The following CDK14 variants were observed in gnomAD, a reference collection of about 807,000 sequenced individuals.
CDK14 encodes the protein cyclin dependent kinase 14.
In CDK14, 34 loss-of-function variants were observed where a neutral mutation model predicts 60.7. That is an observed-to-expected ratio of 0.56 (90% CI 0.43 to 0.75). The LOEUF is 0.75. Ranked by LOEUF, CDK14 falls within the 30% of genes least tolerant of loss-of-function variation. The probability of loss-of-function intolerance (pLI) is 0.00; values close to 1 mark genes in which losing one functional copy is unlikely to be tolerated. For missense variants in CDK14, 482 were observed against 564.1 expected (o/e 0.85, Z 1.47); for synonymous variants, 197 against 203.7 (o/e 0.97, Z 0.28).
chr7:91,132,012 G>GGTTGGTTT (rs891867734), intron 14 of CDK14, among the ~76,000 whole-genome samples: 3 of 151,952 alleles, frequency 2.0e-5, no homozygotes, highest in African/African-American at 7.3e-5. Context: ...TTGGTTGGTT[G>GGTTGGTTT]GTTGGTTGGT....
At chr7:90,950,408 A>T (rs987830292) in intron 8 of CDK14, among the ~76,000 whole-genome samples, 2 of 152,298 alleles carry the variant, frequency 1.3e-5, no homozygotes, top group South Asian at 2.1e-4. Flanking sequence ...TAGATCATTT[A>T]TTGTCTATAT....
chr7:90,607,507 A>G (rs747727888), intron 2 of CDK14, among the ~76,000 whole-genome samples: 8 of 152,216 alleles, frequency 5.3e-5, no homozygotes, highest in Non-Finnish European at 8.8e-5. Flanking sequence ...GCAGAAAAAG[A>G]AATACAGACT....
chr7:90,831,087 A>G (rs1789896973), intron 5 of CDK14, among the ~76,000 whole-genome samples: 2 of 152,134 alleles, frequency 1.3e-5, no homozygotes, highest in Non-Finnish European at 2.9e-5. Context: ...CCCAGTTCCA[A>G]AGTCACTTCC....
chr7:91,095,940 C>G (rs1407609408), intron 12 of CDK14, among the ~76,000 whole-genome samples: 1 of 151,292 alleles, frequency 6.6e-6, no homozygotes, highest in Non-Finnish European at 1.5e-5. Context: ...AGGGTGATGA[C>G]AGGGTTTTGG....
chr7:90,886,682 A>G (rs1791955779), intron 6 of CDK14, among the ~76,000 whole-genome samples: 1 of 152,186 alleles, frequency 6.6e-6, no homozygotes, highest in Non-Finnish European at 1.5e-5. Context: ...ACATATTATG[A>G]GGAGCAATGG....
intron 12 of CDK14, among the ~76,000 whole-genome samples, chr7:91,098,824 G>T (rs1464106838): frequency 6.6e-6 from 1 of 152,112 alleles, no homozygotes; most frequent in Non-Finnish European, 1.5e-5. Flanking sequence ...GTAGGAGTCA[G>T]ACTGTAAAAG....
chr7:91,121,491 A>G (rs1441996903), intron 14 of CDK14, among the ~76,000 whole-genome samples: 1 of 152,188 alleles, frequency 6.6e-6, no homozygotes, highest in Non-Finnish European at 1.5e-5. Flanking sequence ...CCAAACCTCA[A>G]TGCCAAATTA....
intron 2 of CDK14, among the ~76,000 whole-genome samples, chr7:90,673,488 C>CA (rs1302880868): frequency 2.0e-5 from 3 of 148,394 alleles, no homozygotes; most frequent in Non-Finnish European, 3.0e-5. Context: ...GTGGCACAGT[C>CA]ACGGCTCACT....
intron 5 of CDK14, among the ~76,000 whole-genome samples, chr7:90,807,601 A>G (rs1788908777): frequency 6.6e-6 from 1 of 152,236 alleles, no homozygotes; most frequent in Admixed American, 6.5e-5. Context: ...CAGCAACGGA[A>G]CAAAGCTGGA....
At chr7:91,155,986 C>T (rs1243586094) in intron 14 of CDK14, among the ~76,000 whole-genome samples, 1 of 152,212 alleles carries the variant, frequency 6.6e-6, no homozygotes, top group African/African-American at 2.4e-5. Flanking sequence ...AACTCTATCA[C>T]TAATTTAAAA....
In CDK14 at chr7:90,930,791, A is replaced by C. The variant is rs1277516848; in HGVS notation, c.826+13067A>C. 2.6e-5 allele frequency among the ~76,000 whole-genome samples: 4 copies of C among 152,144 alleles called. No individual in the cohort carries two copies. The East Asian group carries it at 7.7e-4, about 29-fold the overall frequency. ...GCTCTTACTTTGTTTTATCCTTATAATCCTGTGGAGTAGAGAGTGCAGGTC... is the reference window on the plus strand; with the variant it reads ...GCTCTTACTTTGTTTTATCCTTATACTCCTGTGGAGTAGAGAGTGCAGGTC... On this transcript the variant is annotated intron_variant, in intron 8 of 14. Coordinates refer to ENST00000380050, the MANE Select transcript of CDK14 (RefSeq NM_001287135.2).
At chr7:91,112,472 G>T (rs1026865104) in intron 12 of CDK14, 70 bp from the exon 13 acceptor site, 63 of 1,489,954 alleles carry the variant, frequency 4.2e-5, no homozygotes, top group Non-Finnish European at 5.7e-5. Context: ...GAAAAATTAG[G>T]TAAGCTTTAT....
chr7:91,080,783 C>A (rs1274171439), intron 12 of CDK14, among the ~76,000 whole-genome samples: 1 of 152,118 alleles, frequency 6.6e-6, no homozygotes, highest in Non-Finnish European at 1.5e-5. Context: ...AATCTCTAAA[C>A]CTACATTTAA....
At chr7:90,658,611 C>G (rs539105321) in intron 2 of CDK14, among the ~76,000 whole-genome samples, 2 of 152,220 alleles carry the variant, frequency 1.3e-5, no homozygotes, top group Admixed American at 6.5e-5. Flanking sequence ...CAAGGTACAT[C>G]CTTGTTGTAG....
chr7:90,681,867 T>G (rs1801325578), intron 2 of CDK14, among the ~76,000 whole-genome samples: 1 of 152,196 alleles, frequency 6.6e-6, no homozygotes, highest in East Asian at 1.9e-4. Flanking sequence ...TGGACCATCT[T>G]CAAAGAAAAA....
chr7:91,030,498 G>C (rs1455885846), intron 10 of CDK14, among the ~76,000 whole-genome samples: 1 of 152,108 alleles, frequency 6.6e-6, no homozygotes, highest in African/African-American at 2.4e-5. Flanking sequence ...ACACAGAGGA[G>C]GTGGCACCTC....
intron 11 of CDK14, among the ~76,000 whole-genome samples, chr7:91,076,117 A>T (rs1798305167): frequency 1.3e-5 from 2 of 151,794 alleles, no homozygotes; most frequent in Non-Finnish European, 2.9e-5. Flanking sequence ...AGAAAAAAAA[A>T]CTACTTTAAA....
chr7:90,656,246 T>G (rs1422211798), intron 2 of CDK14, among the ~76,000 whole-genome samples: 2 of 152,214 alleles, frequency 1.3e-5, no homozygotes, highest in Admixed American at 6.5e-5. Flanking sequence ...ATGTTTCACT[T>G]ATTATTCAAC....
chr7:90,689,445 A>G (rs1016053276), intron 2 of CDK14, among the ~76,000 whole-genome samples: 1 of 152,166 alleles, frequency 6.6e-6, no homozygotes, highest in Non-Finnish European at 1.5e-5. Flanking sequence ...CAAGAATGGC[A>G]GAAAATGGAG....
Sources: gnomAD v4.1 joint callset for allele counts (sites outside exome capture counted in the v4.1 genomes callset) on GRCh38, gnomAD v4.1.1 for gene constraint, MANE v1.5 for transcripts, NCBI Gene and HGNC (gene_info 2026-07-23, HGNC 2026-07-21) for gene names.